Variants in SORCS3 observed in about 807,000 individuals in gnomAD.
SORCS3 encodes sortilin related VPS10 domain containing receptor 3.
Under a neutral mutation model 146.3 loss-of-function variants are expected in SORCS3, and 57 were observed. That is an observed-to-expected ratio of 0.39 (90% CI 0.31 to 0.49). The LOEUF is 0.49. Ranked by LOEUF, SORCS3 falls within the 20% of genes least tolerant of loss-of-function variation. The probability of loss-of-function intolerance (pLI) is 0.92; values close to 1 mark genes in which losing one functional copy is unlikely to be tolerated. For missense variants in SORCS3, 1,341 were observed against 1,575.5 expected (o/e 0.85, Z 2.52); for synonymous variants, 653 against 618.5 (o/e 1.06, Z -0.83).
chr10:105,098,101 A>C (rs2055758929), intron 6 of SORCS3, among the ~76,000 whole-genome samples: 1 of 152,212 alleles, frequency 6.6e-6, no homozygotes, highest in South Asian at 2.1e-4. Flanking sequence ...ACTAAACTCT[A>C]GGCTCTAGAT....
chr10:104,927,551 A>G (rs557956722), intron 3 of SORCS3, among the ~76,000 whole-genome samples: 14 of 152,266 alleles, frequency 9.2e-5, no homozygotes, highest in Admixed American at 8.5e-4. Flanking sequence ...ACCAGTGGAG[A>G]TCATGGGAGT....
At chr10:104,851,360 C>G (rs1459535420) in intron 2 of SORCS3, among the ~76,000 whole-genome samples, 1 of 152,070 alleles carries the variant, frequency 6.6e-6, no homozygotes, top group Non-Finnish European at 1.5e-5. Context: ...ATGTTGTATT[C>G]CCTTTCCTCC....
At chr10:104,771,926 C>T (rs1043631368) in intron 1 of SORCS3, among the ~76,000 whole-genome samples, 1 of 152,024 alleles carries the variant, frequency 6.6e-6, no homozygotes, top group African/African-American at 2.4e-5. Context: ...TCATGTGTTC[C>T]GACTGTTGTC....
At chr10:104,965,438 C>T (rs114390852) in intron 3 of SORCS3, among the ~76,000 whole-genome samples, 147 of 152,272 alleles carry the variant, frequency 9.7e-4, no homozygotes, top group African/African-American at 3.3e-3. Context: ...ATTACCCAGA[C>T]GTGGAATAGC....
intron 1 of SORCS3, among the ~76,000 whole-genome samples, chr10:104,807,212 C>G (rs932708702): frequency 6.6e-6 from 1 of 151,454 alleles, no homozygotes; most frequent in African/African-American, 2.4e-5. Context: ...TGTGTGTGTG[C>G]GTGTGTGTGC....
At chr10:104,874,111 C>G (rs1203339126) in intron 2 of SORCS3, among the ~76,000 whole-genome samples, 1 of 152,160 alleles carries the variant, frequency 6.6e-6, no homozygotes, top group African/African-American at 2.4e-5. Context: ...AAAGAAATCA[C>G]ATTAATAAGG....
At chr10:104,776,894 C>T (rs150299012) in intron 1 of SORCS3, among the ~76,000 whole-genome samples, 4,551 of 149,640 alleles carry the variant, frequency 0.03, 117 homozygotes, top group Non-Finnish European at 0.042. Flanking sequence ...AAAAAAACCT[C>T]ACAAAGCCCC....
At chr10:104,650,412 A>G (rs2015544030) in intron 1 of SORCS3, among the ~76,000 whole-genome samples, 1 of 152,242 alleles carries the variant, frequency 6.6e-6, no homozygotes, top group South Asian at 2.1e-4. Context: ...GATGATCCAT[A>G]GATGAATAAT....
chr10:104,951,599 C>T (rs1162832109), intron 3 of SORCS3, among the ~76,000 whole-genome samples: 7 of 152,160 alleles, frequency 4.6e-5, no homozygotes, highest in Admixed American at 2.6e-4. Flanking sequence ...CTCACCTCAA[C>T]CTCCCAAACT....
At chr10:105,021,214 C>T (rs1564736405) in intron 4 of SORCS3, among the ~76,000 whole-genome samples, 1 of 152,152 alleles carries the variant, frequency 6.6e-6, no homozygotes, top group African/African-American at 2.4e-5. Flanking sequence ...AAGTCCAAGA[C>T]TGAGGGGCCA....
chr10:104,974,724 T>C (rs2054884021), intron 3 of SORCS3, among the ~76,000 whole-genome samples: 1 of 152,190 alleles, frequency 6.6e-6, no homozygotes, highest in African/African-American at 2.4e-5. Flanking sequence ...ATGTGTGAAT[T>C]TGATCCTGTC....
chr10:104,656,923 A>G (rs2015638914), intron 1 of SORCS3, among the ~76,000 whole-genome samples: 1 of 152,146 alleles, frequency 6.6e-6, no homozygotes, highest in Non-Finnish European at 1.5e-5. Flanking sequence ...CATTAGCTCC[A>G]ATTGTTCACT....
intron 2 of SORCS3, among the ~76,000 whole-genome samples, chr10:104,849,214 C>A (rs948295741): frequency 6.6e-6 from 1 of 151,954 alleles, no homozygotes; most frequent in African/African-American, 2.4e-5. Flanking sequence ...GGTTCACGAC[C>A]AGCCTGGCCA....
At chr10:105,215,521 T>G (rs1023344751) in intron 18 of SORCS3, among the ~76,000 whole-genome samples, 2 of 152,174 alleles carry the variant, frequency 1.3e-5, no homozygotes, top group East Asian at 1.9e-4. Flanking sequence ...CAGCCTTCAC[T>G]CACAGCAGGT....
chr10:104,957,263 T>C (rs898558674), intron 3 of SORCS3, among the ~76,000 whole-genome samples: 1 of 152,196 alleles, frequency 6.6e-6, no homozygotes, highest in Non-Finnish European at 1.5e-5. Context: ...TAAAAACCTA[T>C]AAATTACACT....
chr10:104,899,849 A>G (rs2018833182), intron 2 of SORCS3, among the ~76,000 whole-genome samples: 1 of 152,044 alleles, frequency 6.6e-6, no homozygotes, highest in Non-Finnish European at 1.5e-5. Flanking sequence ...CTCATCCATT[A>G]GCTGCCATTG....
chr10:104,897,090 A>G (rs1156366087), intron 2 of SORCS3, among the ~76,000 whole-genome samples: 3 of 152,166 alleles, frequency 2.0e-5, no homozygotes, highest in African/African-American at 7.2e-5. Context: ...CAGTTCATTT[A>G]ATGTGCAAAA....
intron 7 of SORCS3, among the ~76,000 whole-genome samples, chr10:105,134,073 A>G (rs1482710395): frequency 6.6e-6 from 1 of 152,236 alleles, no homozygotes; most frequent in Non-Finnish European, 1.5e-5. Flanking sequence ...AGTTTTTCAC[A>G]AAAGATGTTG....
At chr10:105,209,536 A>C (rs189130500) in intron 16 of SORCS3, among the ~76,000 whole-genome samples, 8 of 152,302 alleles carry the variant, frequency 5.3e-5, no homozygotes, top group African/African-American at 1.9e-4. Flanking sequence ...ATATTGGCCA[A>C]AAACAAACAA....
Sources: gnomAD v4.1 joint callset for allele counts (sites outside exome capture counted in the v4.1 genomes callset) on GRCh38, gnomAD v4.1.1 for gene constraint, MANE v1.5 for transcripts, NCBI Gene and HGNC (gene_info 2026-07-23, HGNC 2026-07-21) for gene names.